BABAM2: variants seen among roughly 807,000 people sequenced by gnomAD.
BABAM2 encodes BRISC and BRCA1-A complex member 2.
A neutral mutation model predicts 54.7 loss-of-function variants in BABAM2; 31 were observed. The ratio of observed to expected loss-of-function variants is 0.57; its 90% CI spans 0.43 to 0.77. BABAM2 has a LOEUF of 0.77. BABAM2 is among the 30% of genes least tolerant of loss of function. The pLI, the probability that BABAM2 is intolerant of heterozygous loss-of-function variation, is 0.00. For synonymous variants in BABAM2, 167 were observed against 162.9 expected, an observed-to-expected ratio of 1.03 and a Z score of -0.19; for missense variants, 364 against 455.8, an observed-to-expected ratio of 0.80 and a Z score of 1.83.
At chr2:28,176,445 C>T (rs1674953981) in intron 7 of BABAM2, among the ~76,000 whole-genome samples, 1 of 151,176 alleles carries the variant, frequency 6.6e-6, no homozygotes, top group Admixed American at 6.6e-5. Context: ...TGGCGCACAC[C>T]TGTAGTCCCA....
chr2:27,974,614 T>C (rs1428738754), intron 3 of BABAM2, among the ~76,000 whole-genome samples: 1 of 152,110 alleles, frequency 6.6e-6, no homozygotes, highest in Non-Finnish European at 1.5e-5. Flanking sequence ...CTCAAACTTA[T>C]AAAGGACATC....
chr2:28,270,250 T>C (rs1685310460), intron 10 of BABAM2, among the ~76,000 whole-genome samples: 1 of 152,098 alleles, frequency 6.6e-6, no homozygotes, highest in Non-Finnish European at 1.5e-5. Flanking sequence ...GTCTCCTGAG[T>C]AGCTGTGGTT....
chr2:27,909,574 AG>A (rs1181620046), intron 2 of BABAM2, among the ~76,000 whole-genome samples: 1 of 152,076 alleles, frequency 6.6e-6, no homozygotes, highest in African/African-American at 2.4e-5. Flanking sequence ...ACAAAATTTG[AG>A]GTACTTCTTG....
chr2:27,921,339 C>A lies in BABAM2; in HGVS notation c.129-8493C>A, dbSNP rs144261329. On this transcript the variant is annotated intron_variant, in intron 2 of 11. Transcript: ENST00000379624. Reference sequence around the variant, plus strand: ...CAATATTTTGTCATCTTTTACTTCTCATTTTTCTAGGTACTTAATAAAATA... The same window carrying A: ...CAATATTTTGTCATCTTTTACTTCTAATTTTTCTAGGTACTTAATAAAATA... Among the ~76,000 whole-genome samples the A allele has an allele frequency of 7.9e-5, 12 of 152,210 alleles. No individual in the cohort carries two copies. In the East Asian group the frequency reaches 9.6e-4, roughly 12 times the overall value.
chr2:27,989,072 G>A (rs532830929), intron 4 of BABAM2, among the ~76,000 whole-genome samples: 2 of 152,144 alleles, frequency 1.3e-5, no homozygotes, highest in South Asian at 2.1e-4. Context: ...AGGTGGATTC[G>A]TGGTGAAGTT....
intron 3 of BABAM2, among the ~76,000 whole-genome samples, chr2:27,967,799 T>C (rs1206997599): frequency 6.6e-6 from 1 of 152,226 alleles, no homozygotes; most frequent in East Asian, 1.9e-4. Flanking sequence ...ACTCTTGTTA[T>C]GTTTTAGCAA....
intron 2 of BABAM2, among the ~76,000 whole-genome samples, chr2:27,924,359 G>C (rs781280350): frequency 1.3e-5 from 2 of 151,956 alleles, no homozygotes; most frequent in African/African-American, 2.4e-5. Context: ...AACTCCTCAA[G>C]GCAACAGAGG....
At chr2:28,146,334 C>A (rs1671489593) in intron 7 of BABAM2, among the ~76,000 whole-genome samples, 1 of 152,020 alleles carries the variant, frequency 6.6e-6, no homozygotes, top group South Asian at 2.1e-4. Flanking sequence ...TACTTCCTAC[C>A]CTCATCATAT....
intron 6 of BABAM2, among the ~76,000 whole-genome samples, chr2:28,063,792 A>G (rs1042664708): frequency 1.3e-5 from 2 of 152,138 alleles, no homozygotes; most frequent in African/African-American, 2.4e-5. Flanking sequence ...TTTTTATGTG[A>G]GTATGATTTG....
intron 2 of BABAM2, chr2:27,895,153 A>G (rs1665188437): frequency 6.6e-6 from 1 of 150,530 alleles, no homozygotes. Context: ...ATTAAAAAAC[A>G]GATTTTTTTT....
At chr2:28,025,610 A>G (rs1675597495) in intron 5 of BABAM2, 190 bp downstream of exon 5, 1 of 531,732 alleles carries the variant, frequency 1.9e-6, no homozygotes, top group Non-Finnish European at 3.0e-6. Context: ...CAAAGATATT[A>G]CCTGGGAAGT....
intron 6 of BABAM2, among the ~76,000 whole-genome samples, chr2:28,093,727 AT>A (rs1302097953): frequency 6.6e-6 from 1 of 152,208 alleles, no homozygotes; most frequent in African/African-American, 2.4e-5. Context: ...TAAGCAAATG[AT>A]TATTGAACAT....
At chr2:28,207,075 A>G (rs571426294) in intron 7 of BABAM2, among the ~76,000 whole-genome samples, 20 of 152,380 alleles carry the variant, frequency 1.3e-4, no homozygotes, top group Admixed American at 1.0e-3. Flanking sequence ...AATTGAAGCC[A>G]GTCGTTCAGA....
intron 4 of BABAM2, among the ~76,000 whole-genome samples, chr2:28,007,771 T>G (rs1674080512): frequency 6.6e-6 from 1 of 152,168 alleles, no homozygotes; most frequent in African/African-American, 2.4e-5. Flanking sequence ...TGTCTTAGAA[T>G]GCTTTTAAGA....
At chr2:28,024,806 G>A (rs1320932038) in intron 4 of BABAM2, among the ~76,000 whole-genome samples, 2 of 152,190 alleles carry the variant, frequency 1.3e-5, no homozygotes, top group Non-Finnish European at 2.9e-5. Flanking sequence ...GATACAGATG[G>A]TCTGTGGATC....
chr2:28,061,887 A>G (rs1034856920), intron 6 of BABAM2, among the ~76,000 whole-genome samples: 1 of 152,194 alleles, frequency 6.6e-6, no homozygotes, highest in Non-Finnish European at 1.5e-5. Context: ...AGGGAGTCCC[A>G]AACACTTTGA....
intron 10 of BABAM2, among the ~76,000 whole-genome samples, chr2:28,259,995 T>C (rs1461982808): frequency 6.6e-6 from 1 of 151,762 alleles, no homozygotes; most frequent in East Asian, 1.9e-4. Context: ...CTTCTTCCCG[T>C]ATTCAAGTAA....
At chr2:28,237,549 T>C (rs971964364) in intron 8 of BABAM2, among the ~76,000 whole-genome samples, 1 of 152,198 alleles carries the variant, frequency 6.6e-6, no homozygotes, top group Non-Finnish European at 1.5e-5. Flanking sequence ...CTTAACTTTA[T>C]GTCTGGGATT....
intron 6 of BABAM2, among the ~76,000 whole-genome samples, chr2:28,051,671 A>G (rs747345048): frequency 4.0e-5 from 6 of 151,700 alleles, no homozygotes; most frequent in African/African-American, 7.3e-5. Context: ...TTTTTGAGAC[A>G]GAGTTTTGCT....
Sources: gnomAD v4.1 joint callset for allele counts (sites outside exome capture counted in the v4.1 genomes callset) on GRCh38, gnomAD v4.1.1 for gene constraint, MANE v1.5 for transcripts, NCBI Gene and HGNC (gene_info 2026-07-23, HGNC 2026-07-21) for gene names.